Variants in MAPRE2 observed in about 807,000 individuals in gnomAD.
MAPRE2 encodes microtubule-associated protein RP/EB family member 2.
In MAPRE2, 13 loss-of-function variants were observed where a neutral mutation model predicts 43.2. That is an observed-to-expected ratio of 0.30 (90% CI 0.20 to 0.48). MAPRE2 has a LOEUF of 0.48. MAPRE2 is among the 20% of genes least tolerant of loss of function. The pLI is 0.99. For missense variants in MAPRE2, 161 were observed against 400.2 expected, an observed-to-expected ratio of 0.40 and a Z score of 5.10; for synonymous variants, 135 against 148.8, an observed-to-expected ratio of 0.91 and a Z score of 0.68.
chr18:35,037,644 A>G (rs12958434), upstream of MAPRE2, among the ~76,000 whole-genome samples: 53,582 of 150,882 alleles, frequency 0.36, 10,965 homozygotes, highest in Admixed American at 0.46. Flanking sequence ...AGTCATACGT[A>G]CAAACACATT....
In MAPRE2 at chr18:35,087,285, T is replaced by G. The variant is rs117663076; in HGVS notation, c.251-10161T>G. Among the ~76,000 whole-genome samples the G allele has an allele frequency of 8.9e-3, 1,352 of 152,276 alleles. 10 individuals are homozygous for G. The highest frequency in any genetic ancestry group is 0.034 in the South Asian group (162 of 4,828). ...TCCCCCCTACTTATTTCCAGATCAT[T>G]TCAGAATCTTGTAGACCTTCACAAT... On this transcript the variant is annotated intron_variant, in intron 2 of 6. Transcript: ENST00000300249.
intron 1 of MAPRE2, among the ~76,000 whole-genome samples, chr18:35,061,520 A>G (rs368353789): frequency 4.1e-4 from 62 of 152,280 alleles, no homozygotes; most frequent in African/African-American, 1.3e-3. Context: ...TTGGTCTTGC[A>G]TTGTCTGTCT....
intron 4 of MAPRE2, 23 bp from the exon 5 acceptor site, chr18:35,126,925 T>G (rs1259918176): frequency 6.2e-7 from 1 of 1,609,242 alleles, no homozygotes; most frequent in Non-Finnish European, 8.5e-7. Flanking sequence ...CCAGTATTTA[T>G]CATTTATTCT....
At chr18:35,057,512 G>GTGTGTGTA (rs1906301411) in intron 1 of MAPRE2, among the ~76,000 whole-genome samples, 1 of 151,680 alleles carries the variant, frequency 6.6e-6, no homozygotes, top group Admixed American at 6.6e-5. Context: ...GTGTGCGTGT[G>GTGTGTGTA]TGTGTGTGTG....
chr18:34,989,263 A>C (rs1224814060), intron 1 of MAPRE2, among the ~76,000 whole-genome samples: 4 of 152,188 alleles, frequency 2.6e-5, no homozygotes, highest in Non-Finnish European at 5.9e-5. Flanking sequence ...GTCTTACATA[A>C]AATGTTCCCT....
chr18:35,071,224 C>T (rs1004394542), intron 2 of MAPRE2, among the ~76,000 whole-genome samples: 1 of 152,040 alleles, frequency 6.6e-6, no homozygotes, highest in Non-Finnish European at 1.5e-5. Flanking sequence ...TTTTAAAAAA[C>T]GTGCTGCTAG....
chr18:35,124,951 T>C (rs1486524106), intron 4 of MAPRE2, among the ~76,000 whole-genome samples: 1 of 152,168 alleles, frequency 6.6e-6, no homozygotes, highest in Non-Finnish European at 1.5e-5. Flanking sequence ...GAAGCCCATA[T>C]ACCAGTCACA....
chr18:35,130,259 C>T (rs1910088403), intron 5 of MAPRE2, among the ~76,000 whole-genome samples: 1 of 152,132 alleles, frequency 6.6e-6, no homozygotes, highest in Non-Finnish European at 1.5e-5. Flanking sequence ...TGTTTTAAAG[C>T]AGGAAAGGAT....
rs1399120835 is a variant in MAPRE2 at position 35,102,300 on chromosome 18, G to A, written c.610+141G>A. The A allele has an allele frequency of 1.2e-5, 7 of 593,352 alleles. No individual in the cohort carries two copies. The South Asian group carries it at 1.7e-4, about 15-fold the overall frequency. 36.8% of individuals were successfully genotyped at this position (593,352 alleles called of 1,614,324 possible). A position where few individuals can be genotyped will look rare whatever the true frequency, so the allele number is the denominator to read the frequency against. ...CTTCGGATGATTTCTACTGTTGTCT[G>A]TTTCACCACATTTATCTTCCTGTGA... On this transcript the variant is annotated intron_variant, in intron 4 of 6. Coordinates refer to ENST00000300249, the MANE Select transcript of MAPRE2 (RefSeq NM_014268.4).
chr18:35,003,760 T>C (rs1475121501), intron 1 of MAPRE2, among the ~76,000 whole-genome samples: 2 of 152,200 alleles, frequency 1.3e-5, no homozygotes, highest in African/African-American at 4.8e-5. Context: ...TCTGATTCAG[T>C]TGAACTTTCT....
chr18:35,059,278 G>A (rs1383993985), intron 1 of MAPRE2, among the ~76,000 whole-genome samples: 1 of 151,976 alleles, frequency 6.6e-6, no homozygotes, highest in Non-Finnish European at 1.5e-5. Context: ...AGGGCAGCTA[G>A]GGAGCTTTTG....
At chr18:34,989,138 G>A (rs1369284919) in intron 1 of MAPRE2, among the ~76,000 whole-genome samples, 1 of 152,168 alleles carries the variant, frequency 6.6e-6, no homozygotes, top group Non-Finnish European at 1.5e-5. Flanking sequence ...ACCAAAAAAG[G>A]AAGGAGGGGA....
chr18:35,122,365 A>G (rs773820321), intron 4 of MAPRE2, among the ~76,000 whole-genome samples: 7 of 152,290 alleles, frequency 4.6e-5, no homozygotes, highest in Non-Finnish European at 1.0e-4. Context: ...GGAAGATACT[A>G]AGATCTTTCC....
intron 2 of MAPRE2, among the ~76,000 whole-genome samples, chr18:35,080,987 C>T (rs1357750725): frequency 6.6e-6 from 1 of 152,140 alleles, no homozygotes; most frequent in Non-Finnish European, 1.5e-5. Context: ...TAATGCGAGT[C>T]CTGTTTCCTG....
At chr18:34,998,936 A>C (rs75265890) in intron 1 of MAPRE2, among the ~76,000 whole-genome samples, 3,237 of 152,156 alleles carry the variant, frequency 0.021, 130 homozygotes, top group African/African-American at 0.074. Flanking sequence ...TGCTACTGTC[A>C]GTCTTACTTA....
chr18:35,041,465 G>A lies in MAPRE2; in HGVS notation c.-75G>A. On this transcript the variant is annotated 5_prime_UTR_variant, in exon 1 of 7. Transcript: ENST00000300249. ...GGCACGGTCCGTGCGGAGCAGGCGA[G>A]CGAGCGGGAAGACGCAGCCACCTTC... The A allele has an allele frequency of 6.2e-7, 1 of 1,610,512 alleles. No individual in the cohort carries two copies.
At chr18:35,111,037 A>C (rs888086402) in intron 4 of MAPRE2, among the ~76,000 whole-genome samples, 4 of 152,098 alleles carry the variant, frequency 2.6e-5, no homozygotes, top group African/African-American at 9.7e-5. Context: ...TTTCAGCTCC[A>C]TTCTTTCTCC....
intron 5 of MAPRE2, 104 bp from the exon 6 acceptor site, chr18:35,131,928 C>T: frequency 9.0e-7 from 1 of 1,105,812 alleles, no homozygotes; most frequent in South Asian, 1.5e-5. Context: ...GTTATTTCTG[C>T]TTCTCTCTCT....
chr18:35,037,164 CT>C (rs35771500), upstream of MAPRE2, among the ~76,000 whole-genome samples: 315 of 146,700 alleles, frequency 2.1e-3, 2 homozygotes, highest in Middle Eastern at 6.9e-3. Flanking sequence ...AAGCCTGAGG[CT>C]TTTTTTTTTT....
Sources: gnomAD v4.1 joint callset for allele counts (sites outside exome capture counted in the v4.1 genomes callset) on GRCh38, gnomAD v4.1.1 for gene constraint, MANE v1.5 for transcripts, NCBI Gene and HGNC (gene_info 2026-07-23, HGNC 2026-07-21) for gene names.